Variants in KIAA1549L observed in about 807,000 individuals in gnomAD.
The protein encoded by KIAA1549L is KIAA1549 like.
A neutral mutation model predicts 160.7 loss-of-function variants in KIAA1549L; 88 were observed. That is an observed-to-expected ratio of 0.55 (90% CI 0.46 to 0.65). The LOEUF (loss-of-function observed/expected upper bound fraction) is 0.65. KIAA1549L is among the 30% of genes least tolerant of loss of function. The pLI, the probability that KIAA1549L is intolerant of heterozygous loss-of-function variation, is 0.00. For missense variants in KIAA1549L, 2,258 were observed against 2,437.5 expected, an observed-to-expected ratio of 0.93 and a Z score of 1.55; for synonymous variants, 950 against 976.7, an observed-to-expected ratio of 0.97 and a Z score of 0.51.
At chr11:33,472,470 T>C (rs1013138227) in intron 1 of KIAA1549L, among the ~76,000 whole-genome samples, 1 of 152,094 alleles carries the variant, frequency 6.6e-6, no homozygotes, top group African/African-American at 2.4e-5. Context: ...CCTACATTAA[T>C]TGAACAAAAC....
intron 16 of KIAA1549L, among the ~76,000 whole-genome samples, chr11:33,638,478 T>C (rs1851504977): frequency 2.8e-5 from 2 of 71,290 alleles, no homozygotes. Flanking sequence ...TCTATGAGTA[T>C]TTTATTCTCT....
chr11:33,485,229 C>T (rs992503325), intron 1 of KIAA1549L, among the ~76,000 whole-genome samples: 4 of 152,204 alleles, frequency 2.6e-5, no homozygotes, highest in Non-Finnish European at 5.9e-5. Context: ...CAACTTGCCC[C>T]TTTCGAGTCC....
chr11:33,483,286 T>A (rs781261697), intron 1 of KIAA1549L, among the ~76,000 whole-genome samples: 1 of 152,140 alleles, frequency 6.6e-6, no homozygotes, highest in Non-Finnish European at 1.5e-5. Flanking sequence ...AATATCTTGT[T>A]TGAGGGGTAG....
At chr11:33,597,964 T>G (rs962272195) in intron 12 of KIAA1549L, among the ~76,000 whole-genome samples, 1 of 152,088 alleles carries the variant, frequency 6.6e-6, no homozygotes, top group Admixed American at 6.5e-5. Flanking sequence ...ATTATAATGA[T>G]CCATTAGCAG....
chr11:33,573,803 G>A (rs1297392076), intron 9 of KIAA1549L, among the ~76,000 whole-genome samples: 2 of 152,086 alleles, frequency 1.3e-5, no homozygotes, highest in Non-Finnish European at 2.9e-5. Context: ...CACTATGTAG[G>A]TATTAAAACT....
In KIAA1549L at chr11:33,551,342, T is replaced by C. The variant is rs949031454; in HGVS notation, c.3721+83T>C. 6 of 1,156,338 alleles carry C rather than the reference T, an allele frequency of 5.2e-6. No individual in the cohort carries two copies. In the African/African-American group the frequency reaches 9.2e-5, roughly 18 times the overall value. 71.6% of individuals were successfully genotyped at this position (1,156,338 alleles called of 1,614,324 possible). A position where few individuals can be genotyped will look rare whatever the true frequency, so the allele number is the denominator to read the frequency against. On this transcript the variant is annotated intron_variant, in intron 5 of 20. Transcript: ENST00000658780. ...AGTGGACACCTGTTTAAAAGCTCCA[T>C]TGCTAGCTGCTGTGTCATTTTTTAG...
rs114874493 is a variant in KIAA1549L at position 33,621,791 on chromosome 11, T to C, written c.5409+3129T>C. 3.3e-3 allele frequency among the ~76,000 whole-genome samples: 497 copies of C among 152,342 alleles called. 1 individual carries two copies. Among genetic ancestry groups the C allele is most frequent in the African/African-American group, 0.011 (464 of 41,578 alleles). ...TTTGCTTCCAAAAGGTAAGTAATCA[T>C]TAAATCATCCCCCAGAAAGAAAAAT... On this transcript the variant is annotated intron_variant, in intron 16 of 20. Coordinates refer to ENST00000658780, the MANE Select transcript of KIAA1549L (RefSeq NM_012194.3).
intron 16 of KIAA1549L, among the ~76,000 whole-genome samples, chr11:33,634,335 G>A (rs751013252): frequency 2.6e-5 from 4 of 152,136 alleles, no homozygotes; most frequent in Non-Finnish European, 4.4e-5. Context: ...GAACCACCAC[G>A]CCCGGCCTGC....
intron 3 of KIAA1549L, among the ~76,000 whole-genome samples, chr11:33,547,326 C>G (rs560586707): frequency 6.6e-6 from 1 of 152,232 alleles, no homozygotes; most frequent in Non-Finnish European, 1.5e-5. Flanking sequence ...TCCCAAATAC[C>G]TGTTCTCTGT....
At chr11:33,466,495 C>A (rs1852061246) in intron 1 of KIAA1549L, among the ~76,000 whole-genome samples, 1 of 152,108 alleles carries the variant, frequency 6.6e-6, no homozygotes, top group Non-Finnish European at 1.5e-5. Context: ...TGTGGAGAAA[C>A]AGGAATGCTT....
intron 1 of KIAA1549L, among the ~76,000 whole-genome samples, chr11:33,465,267 T>A (rs528152174): frequency 1.3e-5 from 2 of 152,150 alleles, no homozygotes; most frequent in African/African-American, 4.8e-5. Flanking sequence ...TTAGCCAGGC[T>A]ACTCTCAAAC....
At chr11:33,447,389 A>G (rs1398055871) in intron 1 of KIAA1549L, among the ~76,000 whole-genome samples, 1 of 152,174 alleles carries the variant, frequency 6.6e-6, no homozygotes, top group African/African-American at 2.4e-5. Flanking sequence ...TCATAAATGA[A>G]TGAAAACTAT....
rs749712976 is a variant in KIAA1549L, at chr11:33,543,464, C to T, written c.1901C>T (p.Ala634Val). 4 of 1,614,044 alleles carry T rather than the reference C, an allele frequency of 2.5e-6. No individual in the cohort carries two copies. In the Admixed American group the frequency reaches 6.7e-5, roughly 27 times the overall value. Residue 634 changes from alanine (A) to valine (V), a missense_variant, in exon 2 of 21, where the codon GCC becomes GTC. Transcript: ENST00000658780. ...PPLPSILSIQATQTVFPSLGF... is the reference protein window; with the variant it reads ...PPLPSILSIQVTQTVFPSLGF... ...CTACCTTCCATACTCTCCATACAAGCCACCCAGACTGTTTTCCCATCTCTT... is the reference window on the plus strand; with the variant it reads ...CTACCTTCCATACTCTCCATACAAGTCACCCAGACTGTTTTCCCATCTCTT...
At chr11:33,637,791 A>T (rs1851475266) in intron 16 of KIAA1549L, among the ~76,000 whole-genome samples, 1 of 152,214 alleles carries the variant, frequency 6.6e-6, no homozygotes. Context: ...CTTTGGACCC[A>T]AGGGTCCACT....
intron 1 of KIAA1549L, among the ~76,000 whole-genome samples, chr11:33,408,642 A>G (rs1850721494): frequency 1.3e-5 from 2 of 151,436 alleles, no homozygotes; most frequent in African/African-American, 4.9e-5. Flanking sequence ...CCAAAGTGAT[A>G]TAGACTTTCC....
intron 16 of KIAA1549L, among the ~76,000 whole-genome samples, chr11:33,629,053 T>A (rs1372537691): frequency 8.6e-5 from 13 of 151,886 alleles, no homozygotes; most frequent in Non-Finnish European, 1.5e-4. Flanking sequence ...GAAGCTTAGT[T>A]TGGCTGGATA....
chr11:33,642,071 C>T (rs1170955079), intron 16 of KIAA1549L, among the ~76,000 whole-genome samples: 6 of 152,080 alleles, frequency 3.9e-5, no homozygotes, highest in African/African-American at 9.7e-5. Context: ...GGATGTTTCT[C>T]TTCATGAGTA....
chr11:33,408,710 C>T (rs904396275), intron 1 of KIAA1549L, among the ~76,000 whole-genome samples: 3 of 146,530 alleles, frequency 2.0e-5, no homozygotes, highest in South Asian at 2.2e-4. Flanking sequence ...AAGTGTTCTA[C>T]GGATCACATG....
At chr11:33,580,645 A>G (rs977469384) in intron 10 of KIAA1549L, among the ~76,000 whole-genome samples, 2 of 151,856 alleles carry the variant, frequency 1.3e-5, no homozygotes, top group African/African-American at 4.8e-5. Context: ...CCTCTGGTAA[A>G]GAGGACTCAT....
Sources: gnomAD v4.1 joint callset for allele counts (sites outside exome capture counted in the v4.1 genomes callset) on GRCh38, gnomAD v4.1.1 for gene constraint, MANE v1.5 for transcripts, NCBI Gene and HGNC (gene_info 2026-07-23, HGNC 2026-07-21) for gene names.